The following DOCK8 variants were observed in gnomAD, a reference collection of about 807,000 sequenced individuals.
DOCK8 encodes dedicator of cytokinesis 8.
DOCK8 carries 141 observed loss-of-function variants against 245.6 expected under a neutral mutation model. The observed-to-expected ratio is 0.57, with a 90% CI of 0.50 to 0.66. The LOEUF (loss-of-function observed/expected upper bound fraction) is 0.66, where lower values mean the gene tolerates loss of function less well. DOCK8 is among the 30% of genes least tolerant of loss of function. The pLI is 0.00. For missense variants in DOCK8, 2,965 were observed against 2,603.4 expected (o/e 1.14, Z -3.02); for synonymous variants, 1,168 against 970.2 (o/e 1.20, Z -3.79).
chr9:384,962 A>AC (rs1443276462), intron 22 of DOCK8, among the ~76,000 whole-genome samples: 2 of 152,020 alleles, frequency 1.3e-5, no homozygotes, highest in Non-Finnish European at 2.9e-5. Flanking sequence ...CACTGGATTC[A>AC]CCCCCTGAGA....
chr9:405,103 T>C (rs750383190), intron 27 of DOCK8, 30 bp downstream of exon 27: 1 of 1,593,504 alleles, frequency 6.3e-7, no homozygotes, highest in East Asian at 2.2e-5. Flanking sequence ...ACTAAAAGAA[T>C]TATTCAAGCT....
Position 443,518 on chromosome 9 carries a change from T to G in DOCK8, c.5580+2T>G. On this transcript the variant is annotated splice_donor_variant, in intron 43 of 47. Transcript: ENST00000432829. LOFTEE classifies it high-confidence loss of function. ...AAAACCAAGTTGGATCCTAACAAGGTATACAAAAATTTACAAAAACTAACC... is the reference window on the plus strand; with the variant it reads ...AAAACCAAGTTGGATCCTAACAAGGGATACAAAAATTTACAAAAACTAACC... The G allele has an allele frequency of 6.2e-7, 1 of 1,613,204 alleles. No homozygotes were observed. Among genetic ancestry groups the G allele is most frequent in the Non-Finnish European group, 8.5e-7 (1 of 1,179,328 alleles).
intron 2 of DOCK8, among the ~76,000 whole-genome samples, chr9:285,897 A>T (rs1029760734): frequency 6.6e-6 from 1 of 152,266 alleles, no homozygotes; most frequent in Admixed American, 6.5e-5. Flanking sequence ...ACATTTAGAA[A>T]TCACTGCCCT....
At chr9:389,840 C>G (rs867497539) in intron 23 of DOCK8, among the ~76,000 whole-genome samples, 1 of 151,394 alleles carries the variant, frequency 6.6e-6, no homozygotes, top group Non-Finnish European at 1.5e-5. Flanking sequence ...CATGGCGAAA[C>G]CCCATCTCTA....
intron 14 of DOCK8, among the ~76,000 whole-genome samples, chr9:343,970 A>C (rs1175742230): frequency 6.6e-6 from 1 of 152,252 alleles, no homozygotes; most frequent in Non-Finnish European, 1.5e-5. Context: ...AGAGTGCATT[A>C]GTGCACTGAA....
intron 1 of DOCK8, among the ~76,000 whole-genome samples, chr9:264,199 A>G (rs1335591808): frequency 6.6e-6 from 1 of 152,378 alleles, no homozygotes; most frequent in East Asian, 1.9e-4. Flanking sequence ...GATTATATCA[A>G]GAAGGAAACT....
intron 27 of DOCK8, among the ~76,000 whole-genome samples, chr9:405,510 A>G (rs540789046): frequency 6.6e-6 from 1 of 152,362 alleles, no homozygotes; most frequent in South Asian, 2.1e-4. Context: ...ATGCACGAGA[A>G]GCAGAAGAGG....
intron 1 of DOCK8, among the ~76,000 whole-genome samples, chr9:231,501 A>G (rs1250186623): frequency 1.3e-5 from 2 of 152,110 alleles, no homozygotes; most frequent in African/African-American, 4.8e-5. Flanking sequence ...CAGTATGGCC[A>G]TTTTCACGAT....
chr9:333,717 C>CT (rs2051166423), intron 10 of DOCK8, among the ~76,000 whole-genome samples: 1 of 149,078 alleles, frequency 6.7e-6, no homozygotes, highest in Non-Finnish European at 1.5e-5. Context: ...TTTTTAAAAT[C>CT]TGTCTTTTAT....
At chr9:305,978 C>T (rs75606672) in intron 5 of DOCK8, among the ~76,000 whole-genome samples, 19,462 of 151,982 alleles carry the variant, frequency 0.13, 1,449 homozygotes, top group Admixed American at 0.17. Flanking sequence ...GTTTCGGCAT[C>T]CCAAGATGAA....
chr9:244,123 G>T (rs1268819655), intron 1 of DOCK8, among the ~76,000 whole-genome samples: 1 of 149,758 alleles, frequency 6.7e-6, no homozygotes, highest in East Asian at 2.0e-4. Context: ...GGGAGGTGGA[G>T]CTTGCAGTGA....
At chr9:292,795 T>C (rs1019778474) in intron 4 of DOCK8, among the ~76,000 whole-genome samples, 3 of 152,204 alleles carry the variant, frequency 2.0e-5, no homozygotes, top group African/African-American at 7.2e-5. Flanking sequence ...TTTTTCCTTA[T>C]GTTTAATTTT....
intron 5 of DOCK8, among the ~76,000 whole-genome samples, chr9:308,758 A>G (rs898837544): frequency 1.3e-5 from 2 of 152,136 alleles, no homozygotes; most frequent in African/African-American, 4.8e-5. Flanking sequence ...CCCAGGTTCA[A>G]GTGATTCTCC....
In DOCK8 at chr9:390,515, A is replaced by C. The variant is rs1219725265; in HGVS notation, c.2919A>C (p.Gly973=). The change falls in exon 24 of 48, where the codon GGA becomes GGC. Residue 973 remains glycine (G), a synonymous_variant. Transcript: ENST00000432829. The part of the protein sequence containing the change: ...ELALQMVVST[G]MVRETVFKYA... ...CCCTTCAGATGGTGGTCAGCACCGG[A>C]ATGGTGAGAGAAACAGTCTTCAAGT... The C allele has an allele frequency of 3.7e-6, 6 of 1,614,064 alleles. No homozygotes were observed. The highest frequency in any genetic ancestry group is 1.7e-5 in the Admixed American group (1 of 60,002).
chr9:399,951 A>T (rs2054669284), intron 26 of DOCK8, among the ~76,000 whole-genome samples: 1 of 149,716 alleles, frequency 6.7e-6, no homozygotes, highest in African/African-American at 2.5e-5. Context: ...CATTAGTCCC[A>T]TGCCCACTAT....
At chr9:246,905 T>A (rs1167075356) in intron 1 of DOCK8, among the ~76,000 whole-genome samples, 3 of 152,124 alleles carry the variant, frequency 2.0e-5, no homozygotes, top group African/African-American at 7.2e-5. Flanking sequence ...CACACACCAC[T>A]GTGCCTGTCT....
At chr9:347,193 T>C (rs940778735) in intron 14 of DOCK8, among the ~76,000 whole-genome samples, 3 of 152,118 alleles carry the variant, frequency 2.0e-5, no homozygotes, top group Non-Finnish European at 2.9e-5. Context: ...AATGAGTTCC[T>C]GTACCATATG....
At chr9:215,380 G>A (rs772025208) in intron 1 of DOCK8, 3 of 1,586,300 alleles carry the variant, frequency 1.9e-6, no homozygotes, top group Non-Finnish European at 2.6e-6. Context: ...TGTTGGGCGC[G>A]CCACGGAGTG....
chr9:443,524 A>G lies in DOCK8; in HGVS notation c.5580+8A>G, dbSNP rs769946159. The G allele has an allele frequency of 1.6e-5, 25 of 1,609,874 alleles. No individual in the cohort carries two copies. Among genetic ancestry groups the G allele is most frequent in the Middle Eastern group, 1.7e-4 (1 of 6,048 alleles). On this transcript the variant is annotated splice_region_variant and intron_variant, in intron 43 of 47. Transcript: ENST00000432829. ...AAGTTGGATCCTAACAAGGTATACA[A>G]AAATTTACAAAAACTAACCATCAAG...
Sources: gnomAD v4.1 joint callset for allele counts (sites outside exome capture counted in the v4.1 genomes callset) on GRCh38, gnomAD v4.1.1 for gene constraint, MANE v1.5 for transcripts, NCBI Gene and HGNC (gene_info 2026-07-23, HGNC 2026-07-21) for gene names.